The following OTOG variants were observed in gnomAD, a reference collection of about 807,000 sequenced individuals.
OTOG encodes the protein otogelin.
Under a neutral mutation model 313.8 loss-of-function variants are expected in OTOG, and 296 were observed. The observed-to-expected ratio is 0.94, with a 90% CI of 0.86 to 1.04. The LOEUF (loss-of-function observed/expected upper bound fraction) is 1.04. OTOG is among the 50% of genes least tolerant of loss of function. OTOG has a pLI of 0.00. For missense variants in OTOG, 3,948 were observed against 3,840.1 expected (o/e 1.03, Z -0.74); for synonymous variants, 1,533 against 1,554.9 (o/e 0.99, Z 0.33).
intron 15 of OTOG, among the ~76,000 whole-genome samples, chr11:17,564,560 T>C (rs547608415): frequency 2.6e-5 from 4 of 152,312 alleles, no homozygotes; most frequent in African/African-American, 9.6e-5. Context: ...ACTGACTGAC[T>C]GTGTCTGGTG....
chr11:17,581,847 G>T (rs560922199), intron 23 of OTOG, among the ~76,000 whole-genome samples: 18 of 152,106 alleles, frequency 1.2e-4, no homozygotes, highest in African/African-American at 4.1e-4. Flanking sequence ...AGCCGGTTCC[G>T]CCCCCACCAG....
intron 36 of OTOG, 26 bp downstream of exon 36, chr11:17,611,449 C>T: frequency 6.7e-7 from 1 of 1,487,044 alleles, no homozygotes; most frequent in South Asian, 1.3e-5. Context: ...GGGTTCTGGC[C>T]ACCCGTATGT....
Position 17,641,031 on chromosome 11 carries a change from T to G in OTOG, c.8130T>G (p.Pro2710=). ...CCCGCTGCACCACCGTGCTCGACCC[T>G]CTCACCAACTTCTACCAGATCAACA... ...HTSRCTTVLD[P]LTNFYQINTT... Residue 2710 remains proline, a synonymous_variant, in exon 51 of 56, where the codon CCT becomes CCG. Coordinates refer to ENST00000399397, the MANE Select transcript of OTOG (RefSeq NM_001292063.2). 4.8e-6 allele frequency: 7 copies of G among 1,467,430 alleles called. No homozygotes were observed. Among genetic ancestry groups the G allele is most frequent in the Non-Finnish European group, 5.5e-6 (6 of 1,097,808 alleles). 90.9% of individuals were successfully genotyped at this position (1,467,430 alleles called of 1,614,324 possible). A position where few individuals can be genotyped will look rare whatever the true frequency, so the allele number is the denominator to read the frequency against.
At chr11:17,631,257 T>C (rs528926180) in intron 40 of OTOG, among the ~76,000 whole-genome samples, 2 of 149,992 alleles carry the variant, frequency 1.3e-5, no homozygotes, top group African/African-American at 5.1e-5. Flanking sequence ...CTTTTTATTT[T>C]GGTGTAATAT....
intron 47 of OTOG, 135 bp from the exon 48 acceptor site, chr11:17,638,316 C>T (rs1229735657): frequency 6.6e-6 from 5 of 752,744 alleles, no homozygotes; most frequent in African/African-American, 1.8e-5. Context: ...AGACTCTTCC[C>T]TGGGGCTCTG....
intron 39 of OTOG, among the ~76,000 whole-genome samples, chr11:17,628,486 G>A (rs577906248): frequency 1.3e-5 from 2 of 152,244 alleles, no homozygotes; most frequent in South Asian, 4.1e-4. Context: ...ACGTAGAAGA[G>A]GTTGTAGCCT....
At chr11:17,645,523 C>T (rs1316713325) in intron 54 of OTOG, 41 bp from the exon 55 acceptor site, 2 of 1,542,110 alleles carry the variant, frequency 1.3e-6, no homozygotes. Context: ...CCGAAGAAGC[C>T]TGGTCTTGGC....
Position 17,639,475 on chromosome 11 carries a change from C to T in OTOG, c.7935+12C>T. On this transcript the variant is annotated intron_variant, in intron 49 of 55. Transcript: ENST00000399397. ...CCCGGTGCCATCTGGTATGGAGACGCTCCTCCCCCAACACTCCCTGGTCTG... is the reference window on the plus strand; with the variant it reads ...CCCGGTGCCATCTGGTATGGAGACGTTCCTCCCCCAACACTCCCTGGTCTG... 1 of 1,550,494 alleles carries T rather than the reference C, an allele frequency of 6.4e-7. No homozygotes were observed. Among genetic ancestry groups the T allele is most frequent in the East Asian group, 2.4e-5 (1 of 40,914 alleles).
chr11:17,576,970 GGGA>G, intron 22 of OTOG, 59 bp downstream of exon 22: 1 of 1,506,732 alleles, frequency 6.6e-7, no homozygotes, highest in Non-Finnish European at 9.0e-7. Context: ...AAGGAGAGTG[GGGA>G]GTGGAGCACT....
At position 17,593,667 on chromosome 11, in the gene OTOG, T is replaced by C; in HGVS notation, c.3199T>C (p.Phe1067Leu). Residue 1067 changes from phenylalanine to leucine, a missense_variant, in exon 27 of 56, where the codon TTC becomes CTC. Phe to Leu is a conservative substitution (Grantham distance 22). Coordinates refer to ENST00000399397, the MANE Select transcript of OTOG (RefSeq NM_001292063.2). ...GGTCCACACATGGCGAGTGGGATTTTTCACACTGGTGCATTTCCCACAGGA... is the reference window on the plus strand; with the variant it reads ...GGTCCACACATGGCGAGTGGGATTTCTCACACTGGTGCATTTCCCACAGGA... ...QEVHTWRVGF[F>L]TLVHFPQEHI... The C allele has an allele frequency of 6.5e-7, 1 of 1,549,042 alleles. No homozygotes were observed. Among genetic ancestry groups the C allele is most frequent in the Non-Finnish European group, 8.7e-7 (1 of 1,146,908 alleles).
intron 32 of OTOG, among the ~76,000 whole-genome samples, chr11:17,605,656 C>T (rs1477006085): frequency 6.6e-6 from 1 of 151,936 alleles, no homozygotes; most frequent in African/African-American, 2.4e-5. Flanking sequence ...AGCCTCCGCT[C>T]GCCCTCAGGC....
In OTOG at chr11:17,593,280, A is replaced by G. The variant is rs1458066935; in HGVS notation, c.3094A>G (p.Asn1032Asp). The G allele has an allele frequency of 6.4e-7, 1 of 1,550,594 alleles. No homozygotes were observed. Among genetic ancestry groups the G allele is most frequent in the Non-Finnish European group, 8.7e-7 (1 of 1,146,974 alleles). The change falls in exon 26 of 56, where the codon AAC becomes GAC. Residue 1032 changes from asparagine to aspartate, a missense_variant. Physicochemically the swap from Asn to Asp is conservative, Grantham distance 23. Coordinates refer to ENST00000399397, the MANE Select transcript of OTOG (RefSeq NM_001292063.2). ...GMICRKFISI[N>D]VGNSLIVFDD... ...GATCTGCAGGAAATTTATTTCCATC[A>G]ACGTTGGGAACTCACTCATTGTCTT...
intron 16 of OTOG, among the ~76,000 whole-genome samples, chr11:17,569,896 A>G (rs1038874699): frequency 6.6e-6 from 1 of 152,230 alleles, no homozygotes; most frequent in Non-Finnish European, 1.5e-5. Flanking sequence ...TAGTTACAGA[A>G]TCCTCCTTCT....
At position 17,572,129 on chromosome 11, in the gene OTOG, T is replaced by C. The variant is rs1852417849; in HGVS notation, c.2005T>C (p.Trp669Arg). Residue 669 changes from tryptophan to arginine, a missense_variant, in exon 18 of 56, where the codon TGG becomes CGG. By Grantham distance (101) the Trp-to-Arg change is moderately radical. Transcript: ENST00000399397. ...CACCCCACAACTTTTTGGCAATTCC[T>C]GGAAAACACTTTCTGCTTGCTCCCC... ...ESTPQLFGNS[W>R]KTLSACSPLV... 8 of 1,550,500 alleles carry C rather than the reference T, an allele frequency of 5.2e-6. No individual in the cohort carries two copies. The highest frequency in any genetic ancestry group is 1.4e-5 in the African/African-American group (1 of 73,136).
chr11:17,555,421 A>G (rs1033966020), intron 6 of OTOG, among the ~76,000 whole-genome samples: 5 of 152,018 alleles, frequency 3.3e-5, no homozygotes, highest in Non-Finnish European at 5.9e-5. Flanking sequence ...ATGGTGGAGT[A>G]TGTCTGTTGG....
In OTOG at chr11:17,645,920, C is replaced by G. The variant is rs1195829508; in HGVS notation, c.8718C>G (p.Thr2906=). The change falls in exon 56 of 56, where the codon ACC becomes ACG. Residue 2906 remains threonine (T), a synonymous_variant. Transcript: ENST00000399397. ...TWVPYTVQEP[T]DCACQWS is the part of the protein sequence containing the mutation. ...TGCCCTATACAGTGCAGGAGCCCAC[C>G]GACTGTGCCTGCCAGTGGTCCTGAG... The G allele has an allele frequency of 3.9e-6, 6 of 1,549,752 alleles. No individual in the cohort carries two copies. In the African/African-American group the frequency reaches 6.8e-5, roughly 18 times the overall value.
At chr11:17,634,369 A>G in intron 44 of OTOG, 88 bp downstream of exon 44, 2 of 1,376,560 alleles carry the variant, frequency 1.5e-6, no homozygotes, top group Non-Finnish European at 2.0e-6. Flanking sequence ...TGGATAGGAC[A>G]AGGCCTAGGA....
Position 17,632,088 on chromosome 11 carries a change from G to C in OTOG, c.6934G>C (p.Val2312Leu). The C allele has an allele frequency of 6.4e-7, 1 of 1,550,818 alleles. No individual in the cohort carries two copies. Among genetic ancestry groups the C allele is most frequent in the Non-Finnish European group, 8.7e-7 (1 of 1,146,940 alleles). The change falls in exon 42 of 56, where the codon GTG (valine) becomes CTG (leucine). Residue 2312 changes from valine (V) to leucine (L), a missense_variant and splice_region_variant. Coordinates refer to ENST00000399397, the MANE Select transcript of OTOG (RefSeq NM_001292063.2). ...AGCACTGCCTGATGCATATGTCCAG[G>C]TGCCTCCGGAGTCATTCTGTGAGCT... is the stretch of plus-strand genomic sequence containing the variant. ...NRTFSACHRF[V>L]PPESFCELWI...
chr11:17,609,832 C>A lies in OTOG; in HGVS notation c.4532C>A (p.Pro1511Gln), dbSNP rs1298589439. The change falls in exon 36 of 56, where the codon CCA (proline) becomes CAA (glutamine). Residue 1511 changes from proline to glutamine, a missense_variant. Physicochemically the swap from Pro to Gln is moderately conservative, Grantham distance 76. Transcript: ENST00000399397. ...PAAPLTTALN[P>Q]PVTATEEPVV... ...GCCCCACTCACCACAGCCCTGAACC[C>A]ACCAGTGACAGCCACTGAGGAGCCA... 36 of 1,527,360 alleles carry A rather than the reference C, an allele frequency of 2.4e-5. No homozygotes were observed. The highest frequency in any genetic ancestry group is 3.1e-5 in the Non-Finnish European group (35 of 1,132,728). 94.6% of individuals were successfully genotyped at this position (1,527,360 alleles called of 1,614,324 possible). A position where few individuals can be genotyped will look rare whatever the true frequency, so the allele number is the denominator to read the frequency against.
Sources: allele counts gnomAD v4.1 joint callset (sites outside exome capture counted in the v4.1 genomes callset), GRCh38; gene constraint gnomAD v4.1.1; transcripts MANE v1.5; gene names NCBI Gene and HGNC (gene_info 2026-07-23, HGNC 2026-07-21).